RSRP1: variants seen among roughly 807,000 people sequenced by gnomAD.
The protein encoded by RSRP1 is arginine and serine rich protein 1.
In RSRP1, 37 loss-of-function variants were observed where a neutral mutation model predicts 33.0. The ratio of observed to expected loss-of-function variants is 1.12; its 90% CI spans 0.86 to 1.48. The LOEUF is 1.48. Ranked by LOEUF, RSRP1 falls within the 40% of genes most tolerant of loss-of-function variation. RSRP1 has a pLI of 0.00. For missense variants in RSRP1, 402 were observed against 385.3 expected (o/e 1.04, Z -0.36); for synonymous variants, 167 against 158.7 (o/e 1.05, Z -0.40).
rs1312963165 is a variant in RSRP1 at position 25,280,326 on chromosome 1, G to A, written c.-66-33297C>T. On this transcript the variant is annotated intron_variant, in intron 1 of 1. Transcript: ENST00000561867. ...CTCATCTCTTTTTTTTTTTTTTTGA[G>A]CTGCAGTCTCACTCTGTCATCCAGG... Among the ~76,000 whole-genome samples the A allele has an allele frequency of 2.5e-5, 3 of 117,734 alleles. No individual in the cohort carries two copies. In the East Asian group the frequency reaches 6.0e-4, roughly 24 times the overall value. The allele number at this position is 117,734 out of a possible 152,430, so 77.2% of individuals were successfully genotyped here.
rs1351119004 is a variant in RSRP1 at position 25,281,373 on chromosome 1, T to C, written c.-66-34344A>G. 3.1e-5 allele frequency among the ~76,000 whole-genome samples: 4 copies of C among 131,108 alleles called. 2 individuals carry two copies. The highest frequency in any genetic ancestry group is 5.3e-5 in the African/African-American group (2 of 37,752). The allele number at this position is 131,108 out of a possible 152,430, so 86.0% of individuals were successfully genotyped here. On this transcript the variant is annotated intron_variant, in intron 1 of 1. Coordinates refer to the RSRP1 transcript ENST00000561867. ...CTCTCTCTGGTCCCCTTCTGTAAAA[T>C]GAGAGGAAAATGGAAGAATTGCTCT...
chr1:25,321,145 T>A (rs1169869966), intron 1 of RSRP1, among the ~76,000 whole-genome samples: 3 of 130,518 alleles, frequency 2.3e-5, no homozygotes, highest in Non-Finnish European at 5.4e-5. Context: ...ACAAGTGGAA[T>A]CTTAAGCTGA....
intron 1 of RSRP1, among the ~76,000 whole-genome samples, chr1:25,261,528 C>T (rs1042531372): frequency 1.3e-5 from 2 of 151,656 alleles, no homozygotes; most frequent in African/African-American, 4.9e-5. Context: ...CCTCAGTCTC[C>T]CGAGTAGCTG....
intron 1 of RSRP1, among the ~76,000 whole-genome samples, chr1:25,320,706 C>T (rs190549111): frequency 1.5e-5 from 2 of 132,084 alleles, no homozygotes; most frequent in East Asian, 3.9e-4. Context: ...CTTCAGGAAG[C>T]TGGAGGAATA....
intron 1 of RSRP1, among the ~76,000 whole-genome samples, chr1:25,332,412 C>A (rs114226573): frequency 0.013 from 1,687 of 132,074 alleles, 223 homozygotes; most frequent in African/African-American, 0.04. Context: ...ATTGAGCACT[C>A]AAGCGTATTC....
upstream of RSRP1, among the ~76,000 whole-genome samples, chr1:25,248,836 A>G (rs1048011360): frequency 1.3e-5 from 2 of 152,184 alleles, no homozygotes; most frequent in African/African-American, 4.8e-5. Flanking sequence ...GTTCTCATAA[A>G]GCTGTGTGAG....
Position 25,333,590 on chromosome 1 carries a change from G to C in RSRP1, c.-67+4388C>G, listed in dbSNP as rs1267506859. On this transcript the variant is annotated intron_variant, in intron 1 of 1. Transcript: ENST00000561867. ...TCCTGAGGAGGTGGCCTGGCCAGGA[G>C]CTAGAGCATGAGGATCTCGTAGGAT... Among the ~76,000 whole-genome samples the C allele has an allele frequency of 1.5e-5, 2 of 131,268 alleles. 1 individual carries two copies. Among genetic ancestry groups the C allele is most frequent in the Non-Finnish European group, 3.6e-5 (2 of 55,736 alleles). The allele number at this position is 131,268 out of a possible 152,430, so 86.1% of individuals were successfully genotyped here. A position where few individuals can be genotyped will look rare whatever the true frequency, so the allele number is the denominator to read the frequency against.
At chr1:25,290,774 A>G (rs1642432058) in intron 1 of RSRP1, 1 of 1,377,156 alleles carries the variant, frequency 7.3e-7, no homozygotes, top group East Asian at 2.2e-5. Context: ...GAGGATGGTC[A>G]TCAGTAATAT....
chr1:25,324,761 C>T (rs1425290307), intron 1 of RSRP1, among the ~76,000 whole-genome samples: 1 of 149,102 alleles, frequency 6.7e-6, no homozygotes, highest in Non-Finnish European at 1.5e-5. Flanking sequence ...GTAAGTATGT[C>T]GCCCAGGTGC....
At chr1:25,252,546 T>C (rs1639821821) in intron 1 of RSRP1, among the ~76,000 whole-genome samples, 1 of 151,408 alleles carries the variant, frequency 6.6e-6, no homozygotes, top group Non-Finnish European at 1.5e-5. Flanking sequence ...TTTTTTTTTT[T>C]TTTTGAGACG....
chr1:25,305,374 A>ATATTTATTTATT lies in RSRP1; in HGVS notation c.-67+32592_-67+32603dup, dbSNP rs34347122. On this transcript the variant is annotated intron_variant, in intron 1 of 1. Transcript: ENST00000561867. Reference sequence around the variant, plus strand: ...TTCCTGGGCTAGTTGAGGAGTCTGGATATTTATTTATTTATTTATTTATTT... The same window carrying ATATTTATTTATT: ...TTCCTGGGCTAGTTGAGGAGTCTGGATATTTATTTATTTATTTATTTATTTATTTATTTATTT... Among the ~76,000 whole-genome samples, 252 of 106,796 alleles carry ATATTTATTTATT rather than the reference A, an allele frequency of 2.4e-3. 28 individuals are homozygous for ATATTTATTTATT. Among genetic ancestry groups the ATATTTATTTATT allele is most frequent in the African/African-American group, 6.0e-3 (195 of 32,470 alleles). 70.1% of individuals were successfully genotyped at this position (106,796 alleles called of 152,430 possible).
chr1:25,244,340 C>T, intron 3 of RSRP1: 1 of 1,288,024 alleles, frequency 7.8e-7, no homozygotes, highest in African/African-American at 1.5e-5. Flanking sequence ...GCAAATAGTG[C>T]CTGTCCCAAA....
rs1409684831 is a variant in RSRP1, at chr1:25,271,315, G to C, written c.-66-24286C>G. On this transcript the variant is annotated intron_variant, in intron 1 of 1. Coordinates refer to the RSRP1 transcript ENST00000561867. ...TTAAAATCTCCTCTGATCTACATAGGAATTGTTTTCAAGACATTTCTGCAT... is the reference window on the plus strand; with the variant it reads ...TTAAAATCTCCTCTGATCTACATAGCAATTGTTTTCAAGACATTTCTGCAT... Among the ~76,000 whole-genome samples, 3 of 130,140 alleles carry C rather than the reference G, an allele frequency of 2.3e-5. No homozygotes were observed. The East Asian group carries it at 5.9e-4, about 26-fold the overall frequency. 85.4% of individuals were successfully genotyped at this position (130,140 alleles called of 152,430 possible). A position where few individuals can be genotyped will look rare whatever the true frequency, so the allele number is the denominator to read the frequency against.
chr1:25,262,498 C>T (rs2124564113), intron 1 of RSRP1, among the ~76,000 whole-genome samples: 2 of 152,230 alleles, frequency 1.3e-5, no homozygotes, highest in Middle Eastern at 6.8e-3. Flanking sequence ...CAATCGGATA[C>T]ATAGATATAT....
intron 1 of RSRP1, chr1:25,301,599 G>A (rs1415798669): frequency 7.2e-7 from 1 of 1,380,096 alleles, no homozygotes; most frequent in Non-Finnish European, 1.0e-6. Context: ...AGAATGCCGT[G>A]TTCAACACCT....
chr1:25,245,055 A>C, intron 3 of RSRP1, 95 bp downstream of exon 3: 1 of 1,609,326 alleles, frequency 6.2e-7, no homozygotes, highest in Non-Finnish European at 8.5e-7. Flanking sequence ...ACATCTCTAG[A>C]CTTCCCAAAA....
intron 1 of RSRP1, among the ~76,000 whole-genome samples, chr1:25,270,462 C>T (rs192316354): frequency 7.6e-6 from 1 of 131,052 alleles, no homozygotes; most frequent in East Asian, 2.0e-4. Flanking sequence ...TTGGGAACCG[C>T]GCATGAGAGG....
chr1:25,334,134 A>G (rs1645049968), intron 1 of RSRP1, among the ~76,000 whole-genome samples: 1 of 132,436 alleles, frequency 7.6e-6, no homozygotes, highest in East Asian at 2.0e-4. Context: ...CTTTCCATCT[A>G]TGAGCCTATA....
chr1:25,291,638 A>C (rs35011018), intron 1 of RSRP1, among the ~76,000 whole-genome samples: 1 of 132,416 alleles, frequency 7.6e-6, no homozygotes, highest in East Asian at 1.9e-4. Context: ...AATTATGGTT[A>C]TATAAAAGTA....
Sources: allele counts gnomAD v4.1 joint callset (sites outside exome capture counted in the v4.1 genomes callset), GRCh38; gene constraint gnomAD v4.1.1; transcripts MANE v1.5; gene names NCBI Gene and HGNC (gene_info 2026-07-23, HGNC 2026-07-21).